Variants in PCDH7 observed in about 807,000 individuals in gnomAD.
PCDH7 encodes the protein protocadherin 7.
In PCDH7, 17 loss-of-function variants were observed where a neutral mutation model predicts 58.9. The ratio of observed to expected loss-of-function variants is 0.29; its 90% CI spans 0.20 to 0.43. PCDH7 has a LOEUF of 0.43. PCDH7 is among the 20% of genes least tolerant of loss of function. PCDH7 has a pLI of 1.00. For synonymous variants in PCDH7, 664 were observed against 616.4 expected, an observed-to-expected ratio of 1.08 and a Z score of -1.14; for missense variants, 1,274 against 1,441.0, an observed-to-expected ratio of 0.88 and a Z score of 1.88.
At chr4:30,973,377 A>G (rs900493272) in intron 3 of PCDH7, among the ~76,000 whole-genome samples, 1 of 152,192 alleles carries the variant, frequency 6.6e-6, no homozygotes, top group African/African-American at 2.4e-5. Flanking sequence ...TAGATGTTTT[A>G]GAATCAAATC....
intron 3 of PCDH7, among the ~76,000 whole-genome samples, chr4:31,133,627 G>A (rs181754692): frequency 2.0e-5 from 3 of 152,210 alleles, no homozygotes; most frequent in African/African-American, 4.8e-5. Context: ...CTCTAACTCC[G>A]CATGGGTAAA....
intron 1 of PCDH7, among the ~76,000 whole-genome samples, chr4:30,849,130 G>C (rs1016782533): frequency 2.0e-5 from 3 of 152,004 alleles, no homozygotes; most frequent in Non-Finnish European, 4.4e-5. Context: ...CTATTTTTAT[G>C]ATTTAAATGT....
At chr4:30,728,628 A>G (rs1714998711) in intron 1 of PCDH7, among the ~76,000 whole-genome samples, 1 of 151,776 alleles carries the variant, frequency 6.6e-6, no homozygotes, top group South Asian at 2.1e-4. Flanking sequence ...TTGATCCGCA[A>G]TGAATTTGCA....
At chr4:30,944,975 G>A (rs550779222) in intron 2 of PCDH7, among the ~76,000 whole-genome samples, 9 of 152,084 alleles carry the variant, frequency 5.9e-5, no homozygotes, top group South Asian at 2.1e-4. Context: ...TACATTTGCC[G>A]ATAGTGTTTT....
At chr4:30,788,154 T>A (rs1723655426) in intron 1 of PCDH7, among the ~76,000 whole-genome samples, 1 of 152,114 alleles carries the variant, frequency 6.6e-6, no homozygotes, top group Non-Finnish European at 1.5e-5. Context: ...AATATCTGTG[T>A]TCTAACTATA....
chr4:31,120,823 A>T (rs1717605393), intron 3 of PCDH7, among the ~76,000 whole-genome samples: 1 of 152,126 alleles, frequency 6.6e-6, no homozygotes, highest in African/African-American at 2.4e-5. Context: ...TGAACAAATC[A>T]TTTGGTATCT....
At chr4:30,985,803 T>C (rs552831142) in intron 3 of PCDH7, among the ~76,000 whole-genome samples, 1 of 152,320 alleles carries the variant, frequency 6.6e-6, no homozygotes, top group South Asian at 2.1e-4. Flanking sequence ...AGTAAACCAT[T>C]GTTTCTGGGG....
chr4:31,040,926 C>A (rs1755811709), intron 3 of PCDH7, among the ~76,000 whole-genome samples: 1 of 151,584 alleles, frequency 6.6e-6, no homozygotes, highest in South Asian at 2.1e-4. Context: ...AAAAAAAAAT[C>A]CTGGACCAGA....
intron 3 of PCDH7, among the ~76,000 whole-genome samples, chr4:31,036,876 A>G (rs755408081): frequency 1.3e-5 from 2 of 152,190 alleles, no homozygotes; most frequent in African/African-American, 2.4e-5. Context: ...AGTGAAAGGC[A>G]TGTCTCTCAT....
At chr4:31,122,109 ACTGTTT>A (rs1375663909) in intron 3 of PCDH7, among the ~76,000 whole-genome samples, 1 of 152,088 alleles carries the variant, frequency 6.6e-6, no homozygotes, top group Non-Finnish European at 1.5e-5. Context: ...AGCATATTGT[ACTGTTT>A]TCCAAATTTC....
chr4:30,738,522 A>T (rs1716621826), intron 1 of PCDH7, among the ~76,000 whole-genome samples: 1 of 152,182 alleles, frequency 6.6e-6, no homozygotes, highest in Admixed American at 6.5e-5. Flanking sequence ...TAGGCACATC[A>T]CTGACTGCTG....
intron 1 of PCDH7, among the ~76,000 whole-genome samples, chr4:30,726,847 GA>G (rs1312572741): frequency 6.6e-6 from 1 of 151,892 alleles, no homozygotes; most frequent in Non-Finnish European, 1.5e-5. Context: ...GCTGTCAGGG[GA>G]CAAGGGATCC....
intron 1 of PCDH7, among the ~76,000 whole-genome samples, chr4:30,810,312 T>G (rs994636611): frequency 6.6e-6 from 1 of 152,172 alleles, no homozygotes; most frequent in Non-Finnish European, 1.5e-5. Flanking sequence ...GTTGAATAAA[T>G]GGATGGGCGA....
Position 30,986,085 on chromosome 4 carries a change from G to C in PCDH7, c.*7+35870G>C, listed in dbSNP as rs78452609. 7.7e-3 allele frequency among the ~76,000 whole-genome samples: 1,176 copies of C among 152,218 alleles called. 26 individuals carry two copies. The highest frequency in any genetic ancestry group is 0.043 in the Admixed American group (657 of 15,274). ...AGCAGGATAATTTTTACCTGAAATA[G>C]TTAAAAGACTTGAGATATGCATTTT... is the stretch of plus-strand genomic sequence containing the variant. On this transcript the variant is annotated intron_variant, in intron 3 of 3. Transcript: ENST00000509759.
intron 1 of PCDH7, among the ~76,000 whole-genome samples, chr4:30,916,345 T>C (rs1433841689): frequency 6.6e-6 from 1 of 152,220 alleles, no homozygotes; most frequent in Non-Finnish European, 1.5e-5. Context: ...GTCTTCATTA[T>C]TGGCCTTTTA....
At chr4:31,055,156 A>G (rs972907909) in intron 3 of PCDH7, among the ~76,000 whole-genome samples, 2 of 152,030 alleles carry the variant, frequency 1.3e-5, no homozygotes, top group Non-Finnish European at 2.9e-5. Flanking sequence ...TCCTTAACTG[A>G]TATTTTTTTA....
chr4:30,975,332 T>C (rs1409507316), intron 3 of PCDH7, among the ~76,000 whole-genome samples: 2 of 152,164 alleles, frequency 1.3e-5, no homozygotes, highest in Non-Finnish European at 2.9e-5. Context: ...TCTGGAAAGT[T>C]CTAAACATGA....
chr4:30,769,954 G>T (rs544593739), intron 1 of PCDH7, among the ~76,000 whole-genome samples: 1 of 152,144 alleles, frequency 6.6e-6, no homozygotes, highest in Admixed American at 6.5e-5. Flanking sequence ...CCATTAATTG[G>T]CATTTTCAGC....
chr4:31,065,807 T>G (rs1234427368), intron 3 of PCDH7, among the ~76,000 whole-genome samples: 2 of 151,940 alleles, frequency 1.3e-5, no homozygotes, highest in Non-Finnish European at 2.9e-5. Context: ...CATCATAATA[T>G]TAACAGAAAT....
Sources: gnomAD v4.1 joint callset for allele counts (sites outside exome capture counted in the v4.1 genomes callset) on GRCh38, gnomAD v4.1.1 for gene constraint, MANE v1.5 for transcripts, NCBI Gene and HGNC (gene_info 2026-07-23, HGNC 2026-07-21) for gene names.